Variants in EPHA5 observed in about 807,000 individuals in gnomAD.
EPHA5 encodes ephrin type-A receptor 5.
EPHA5 carries 60 observed loss-of-function variants against 105.0 expected under a neutral mutation model. That is an observed-to-expected ratio of 0.57 (90% CI 0.46 to 0.71). The LOEUF (loss-of-function observed/expected upper bound fraction) is 0.71, where lower values mean the gene tolerates loss of function less well. Ranked by LOEUF, EPHA5 falls within the 30% of genes least tolerant of loss-of-function variation. EPHA5 has a pLI of 0.00. For missense variants in EPHA5, 1,218 were observed against 1,274.7 expected (o/e 0.96, Z 0.68); for synonymous variants, 513 against 449.1 (o/e 1.14, Z -1.80).
At position 65,419,069 on chromosome 4, in the gene EPHA5, T is replaced by G. The variant is rs564229501; in HGVS notation, c.1527+1372A>C. Among the ~76,000 whole-genome samples the G allele has an allele frequency of 7.9e-5, 12 of 151,356 alleles. No individual in the cohort carries two copies. The East Asian group carries it at 2.3e-3, about 30-fold the overall frequency. On this transcript the variant is annotated intron_variant, in intron 6 of 16. Transcript: ENST00000613740. ...CAGCTAATTTTTTGTATTTTTAGTA[T>G]AGACAGGGTTTCACTACGTTGGGCA...
intron 3 of EPHA5, among the ~76,000 whole-genome samples, chr4:65,582,596 C>G (rs192327062): frequency 5.2e-4 from 79 of 151,536 alleles, no homozygotes; most frequent in African/African-American, 1.9e-3. Context: ...TCTGATAACT[C>G]TTCTCCAGAT....
intron 10 of EPHA5, 30 bp from the exon 11 acceptor site, chr4:65,365,232 A>T: frequency 4.4e-6 from 7 of 1,596,952 alleles, no homozygotes; most frequent in Non-Finnish European, 6.0e-6. Context: ...AAATGCAAAA[A>T]CTCATTTGAA....
chr4:65,614,571 G>T (rs1745057920), intron 2 of EPHA5, among the ~76,000 whole-genome samples: 1 of 151,732 alleles, frequency 6.6e-6, no homozygotes, highest in South Asian at 2.1e-4. Flanking sequence ...TGGATTAGAG[G>T]GCTCCTGGAT....
rs1402897725 is a variant in EPHA5 at position 65,460,037 on chromosome 4, G to A, written c.1402+30340C>T. ...TAATATTAAATTAGCTTTGAATCTCGACGTGAGAAACTGGAAAATAATGCA... is the reference window on the plus strand; with the variant it reads ...TAATATTAAATTAGCTTTGAATCTCAACGTGAGAAACTGGAAAATAATGCA... On this transcript the variant is annotated intron_variant, in intron 5 of 16. Transcript: ENST00000613740. 8.6e-5 allele frequency among the ~76,000 whole-genome samples: 13 copies of A among 151,564 alleles called. No homozygotes were observed. The East Asian group carries it at 9.7e-4, about 11-fold the overall frequency.
chr4:65,536,904 C>T (rs1201548487), intron 3 of EPHA5, among the ~76,000 whole-genome samples: 1 of 151,704 alleles, frequency 6.6e-6, no homozygotes, highest in Non-Finnish European at 1.5e-5. Context: ...ATATTGTATT[C>T]TTGATTTGTA....
At chr4:65,366,152 A>C (rs2148893566) in intron 9 of EPHA5, 95 bp from the exon 10 acceptor site, 1 of 1,208,848 alleles carries the variant, frequency 8.3e-7, no homozygotes, top group Non-Finnish European at 1.2e-6. Context: ...TAAATCTCTA[A>C]TTCCTGGAAG....
At chr4:65,508,278 ATT>A (rs1218109287) in intron 3 of EPHA5, among the ~76,000 whole-genome samples, 1 of 152,176 alleles carries the variant, frequency 6.6e-6, no homozygotes, top group Non-Finnish European at 1.5e-5. Context: ...GCTTTGATTA[ATT>A]CATGTCTATA....
intron 14 of EPHA5, among the ~76,000 whole-genome samples, chr4:65,341,191 T>A (rs2148824570): frequency 6.6e-6 from 1 of 152,258 alleles, no homozygotes; most frequent in Non-Finnish European, 1.5e-5. Flanking sequence ...AGGCTGTTTT[T>A]AATTATCTAA....
Position 65,490,704 on chromosome 4 carries a change from AG to A in EPHA5, c.1074del (p.Ser359LeufsTer63). The A allele has an allele frequency of 6.2e-7, 1 of 1,613,076 alleles. No individual in the cohort carries two copies. Among genetic ancestry groups the A allele is most frequent in the Non-Finnish European group, 8.5e-7 (1 of 1,179,104 alleles). ...TTTGAGATGGCATTCCGAGGAGCAG[AG>A]GGGGGTCCTGGTTTACAAAGTAAAG... ...DPPTMACTRPPSAPRNAISNV... is the reference protein window; with the variant it reads ...DPPTMACTRPXSAPRNAISNV... On this transcript the variant is annotated frameshift_variant, in exon 5 of 17. Transcript: ENST00000613740. LOFTEE classifies it high-confidence loss of function.
chr4:65,334,294 G>A (rs148172761), intron 15 of EPHA5, among the ~76,000 whole-genome samples: 47 of 152,126 alleles, frequency 3.1e-4, no homozygotes, highest in African/African-American at 1.1e-3. Flanking sequence ...AAATGAATAT[G>A]TTATAGTGAT....
intron 3 of EPHA5, among the ~76,000 whole-genome samples, chr4:65,550,814 C>T (rs1316516720): frequency 6.6e-6 from 1 of 151,906 alleles, no homozygotes; most frequent in East Asian, 1.9e-4. Context: ...CCAGCCTGGG[C>T]GACAGAGCCA....
At chr4:65,380,079 T>C (rs1355622248) in intron 8 of EPHA5, among the ~76,000 whole-genome samples, 1 of 151,766 alleles carries the variant, frequency 6.6e-6, no homozygotes. Context: ...AGAGATGATT[T>C]AGAAATAGAA....
intron 3 of EPHA5, among the ~76,000 whole-genome samples, chr4:65,499,717 C>T (rs1459013988): frequency 6.6e-6 from 1 of 151,550 alleles, no homozygotes; most frequent in Non-Finnish European, 1.5e-5. Flanking sequence ...CTCATTGTCT[C>T]CATCCATCTA....
intron 3 of EPHA5, among the ~76,000 whole-genome samples, chr4:65,497,545 C>A (rs1165323506): frequency 6.6e-6 from 1 of 151,982 alleles, no homozygotes; most frequent in Non-Finnish European, 1.5e-5. Flanking sequence ...CCATACTTAG[C>A]TAAGTTATTC....
At chr4:65,440,416 A>G (rs1336531191) in intron 5 of EPHA5, among the ~76,000 whole-genome samples, 2 of 151,930 alleles carry the variant, frequency 1.3e-5, no homozygotes, top group African/African-American at 4.8e-5. Context: ...GCAAAAATTT[A>G]GTAATAATCA....
At chr4:65,565,062 G>C (rs1739392934) in intron 3 of EPHA5, among the ~76,000 whole-genome samples, 1 of 151,586 alleles carries the variant, frequency 6.6e-6, no homozygotes, top group Admixed American at 6.6e-5. Context: ...GAAGCATATA[G>C]ATATTTCACA....
intron 3 of EPHA5, among the ~76,000 whole-genome samples, chr4:65,506,577 G>C (rs1167569611): frequency 6.9e-6 from 1 of 145,508 alleles, no homozygotes; most frequent in Non-Finnish European, 1.5e-5. Flanking sequence ...TTGTGGTTTT[G>C]ATTTGCATTT....
chr4:65,521,588 T>A (rs1353807832), intron 3 of EPHA5, among the ~76,000 whole-genome samples: 1 of 152,050 alleles, frequency 6.6e-6, no homozygotes, highest in Admixed American at 6.6e-5. Flanking sequence ...GATCCTACTA[T>A]GCTTTTTTCT....
intron 1 of EPHA5, among the ~76,000 whole-genome samples, chr4:65,664,097 G>A (rs1011781119): frequency 1.3e-5 from 2 of 151,744 alleles, no homozygotes; most frequent in African/African-American, 4.8e-5. Flanking sequence ...ACAAATGTCT[G>A]GAAAGTCAGA....
Sources: allele counts gnomAD v4.1 joint callset (sites outside exome capture counted in the v4.1 genomes callset), GRCh38; gene constraint gnomAD v4.1.1; transcripts MANE v1.5; gene names NCBI Gene and HGNC (gene_info 2026-07-23, HGNC 2026-07-21).